UNC79: variants seen among roughly 807,000 people sequenced by gnomAD.
UNC79 encodes unc-79 subunit of NALCN channel complex.
In UNC79, 37 loss-of-function variants were observed where a neutral mutation model predicts 283.1. The ratio of observed to expected loss-of-function variants is 0.13; its 90% CI spans 0.10 to 0.17. The LOEUF (loss-of-function observed/expected upper bound fraction) is 0.17. Among genes scored for constraint, UNC79 ranks in the 10% least tolerant of loss-of-function variants. The pLI is 1.00. For synonymous variants in UNC79, 1,107 were observed against 1,200.2 expected, an observed-to-expected ratio of 0.92 and a Z score of 1.61; for missense variants, 2,272 against 3,211.1, an observed-to-expected ratio of 0.71 and a Z score of 7.07.
At chr14:93,595,138 G>A (rs1025870878) in intron 23 of UNC79, among the ~76,000 whole-genome samples, 2 of 150,952 alleles carry the variant, frequency 1.3e-5, no homozygotes, top group South Asian at 2.1e-4. Flanking sequence ...TGCACAAGCT[G>A]GAGTGCAGTG....
chr14:93,554,173 C>T (rs1262366726), intron 14 of UNC79, among the ~76,000 whole-genome samples: 1 of 152,022 alleles, frequency 6.6e-6, no homozygotes, highest in Admixed American at 6.6e-5. Context: ...CACAGTGTAA[C>T]CCCATCTCCA....
intron 1 of UNC79, among the ~76,000 whole-genome samples, chr14:93,355,208 C>T (rs1262728007): frequency 4.7e-5 from 7 of 150,270 alleles, no homozygotes; most frequent in Non-Finnish European, 1.0e-4. Context: ...TTTTTTTTCC[C>T]CCTGAGACAG....
At chr14:93,556,007 G>C (rs1381032636) in intron 14 of UNC79, among the ~76,000 whole-genome samples, 2 of 152,138 alleles carry the variant, frequency 1.3e-5, no homozygotes, top group Admixed American at 1.3e-4. Flanking sequence ...AAAGCATGCA[G>C]TTTTTAGGGC....
chr14:93,552,463 T>C (rs2061948708), intron 14 of UNC79, among the ~76,000 whole-genome samples: 1 of 152,186 alleles, frequency 6.6e-6, no homozygotes, highest in African/African-American at 2.4e-5. Flanking sequence ...AAGAAAATTT[T>C]TAAAATGTTA....
At chr14:93,392,650 A>G (rs1304125370) in intron 1 of UNC79, among the ~76,000 whole-genome samples, 1 of 152,194 alleles carries the variant, frequency 6.6e-6, no homozygotes, top group Non-Finnish European at 1.5e-5. Context: ...GTTCTCAGAT[A>G]CATTTTCTAC....
chr14:93,427,309 A>G (rs1031437015), upstream of UNC79, among the ~76,000 whole-genome samples: 1 of 152,188 alleles, frequency 6.6e-6, no homozygotes, highest in African/African-American at 2.4e-5. Flanking sequence ...CACTAATTGT[A>G]TGGGGTGTTC....
intron 26 of UNC79, among the ~76,000 whole-genome samples, chr14:93,606,792 G>A (rs1330942329): frequency 2.0e-5 from 3 of 152,140 alleles, no homozygotes; most frequent in Non-Finnish European, 4.4e-5. Flanking sequence ...TCTATAGAAA[G>A]TATACTCTGC....
chr14:93,475,508 A>T (rs2057749743), intron 3 of UNC79, among the ~76,000 whole-genome samples: 1 of 152,236 alleles, frequency 6.6e-6, no homozygotes, highest in Admixed American at 6.5e-5. Context: ...TGGTGAATGT[A>T]AAAGGTATAG....
At chr14:93,369,179 A>G (rs2054394948) in intron 1 of UNC79, among the ~76,000 whole-genome samples, 1 of 152,250 alleles carries the variant, frequency 6.6e-6, no homozygotes, top group Admixed American at 6.5e-5. Flanking sequence ...AACTGGTAGT[A>G]GTAAAGGAAA....
In UNC79 at chr14:93,604,175, T is replaced by A. The variant is rs2065719952; in HGVS notation, c.3754+757T>A. 2.6e-5 allele frequency among the ~76,000 whole-genome samples: 4 copies of A among 152,174 alleles called. No individual in the cohort carries two copies. The South Asian group carries it at 8.3e-4, about 32-fold the overall frequency. On this transcript the variant is annotated intron_variant, in intron 26 of 48. Coordinates refer to ENST00000555664, the Ensembl canonical transcript of UNC79. The stretch of plus-strand genomic sequence containing the variant: ...ATACTAATGAATATGTTTAAATATA[T>A]TACTAACTTGTAAAATTTATTAAAT...
At chr14:93,615,248 T>C (rs1596080967) in intron 27 of UNC79, among the ~76,000 whole-genome samples, 1 of 152,312 alleles carries the variant, frequency 6.6e-6, no homozygotes, top group East Asian at 1.9e-4. Context: ...AAATAGATTG[T>C]AACATAATGA....
At chr14:93,542,004 C>CAAAAAA (rs745650977) in intron 13 of UNC79, among the ~76,000 whole-genome samples, 15 of 59,850 alleles carry the variant, frequency 2.5e-4, no homozygotes, top group East Asian at 1.2e-3. Context: ...GACTCCATCT[C>CAAAAAA]AAAAAAAAAA....
chr14:93,456,050 G>T (rs991105385), intron 1 of UNC79, among the ~76,000 whole-genome samples: 3 of 151,822 alleles, frequency 2.0e-5, no homozygotes, highest in Admixed American at 6.6e-5. Flanking sequence ...GGTGAATGAT[G>T]AAATACTTGG....
At chr14:93,407,485 C>G (rs2055250038) in intron 1 of UNC79, among the ~76,000 whole-genome samples, 1 of 152,182 alleles carries the variant, frequency 6.6e-6, no homozygotes, top group Non-Finnish European at 1.5e-5. Context: ...AGGAGCCCCA[C>G]CAGGTTCTCA....
Position 93,639,306 on chromosome 14 carries a change from G to T in UNC79, c.5801-1839G>T, listed in dbSNP as rs796471077. Among the ~76,000 whole-genome samples, 15 of 152,224 alleles carry T rather than the reference G, an allele frequency of 9.9e-5. 1 individual carries two copies. The highest frequency in any genetic ancestry group is 3.4e-4 in the African/African-American group (14 of 41,538). ...AAGCATTCTGACATCTGGTCAATGT[G>T]GTCTGTCAATGTTCAAGAAATGTGG... On this transcript the variant is annotated intron_variant, in intron 32 of 48. Transcript: ENST00000555664.
upstream of UNC79, among the ~76,000 whole-genome samples, chr14:93,427,246 A>G (rs1281070731): frequency 6.6e-6 from 1 of 152,018 alleles, no homozygotes; most frequent in East Asian, 1.9e-4. Flanking sequence ...TTAACTAGGT[A>G]TTTTGGCATT....
intron 7 of UNC79, among the ~76,000 whole-genome samples, chr14:93,508,202 T>C (rs1340281362): frequency 6.8e-6 from 1 of 146,426 alleles, no homozygotes; most frequent in Non-Finnish European, 1.5e-5. Context: ...TCAATTTCTG[T>C]CGAAAAAAAA....
At chr14:93,668,255 G>T (rs765799984) in intron 40 of UNC79, among the ~76,000 whole-genome samples, 3 of 152,090 alleles carry the variant, frequency 2.0e-5, no homozygotes, top group Non-Finnish European at 2.9e-5. Flanking sequence ...GAACCAAAGG[G>T]AATCTATAGA....
At chr14:93,447,043 T>C (rs2056481910) in intron 1 of UNC79, among the ~76,000 whole-genome samples, 2 of 152,332 alleles carry the variant, frequency 1.3e-5, no homozygotes, top group South Asian at 4.1e-4. Flanking sequence ...CTTCATGTGT[T>C]TGGAAGCTCT....
Sources: allele counts gnomAD v4.1 joint callset (sites outside exome capture counted in the v4.1 genomes callset), GRCh38; gene constraint gnomAD v4.1.1; transcripts MANE v1.5; gene names NCBI Gene and HGNC (gene_info 2026-07-23, HGNC 2026-07-21).